Variants in TECR observed in about 807,000 individuals in gnomAD.
TECR encodes trans-2,3-enoyl-CoA reductase.
TECR carries 19 observed loss-of-function variants against 50.6 expected under a neutral mutation model. That is an observed-to-expected ratio of 0.38 (90% confidence interval 0.26 to 0.55). The LOEUF is 0.55. Among genes scored for constraint, TECR ranks in the 20% least tolerant of loss-of-function variants. The pLI, the probability that TECR is intolerant of heterozygous loss-of-function variation, is 0.79. For synonymous variants in TECR, 168 were observed against 163.5 expected, an observed-to-expected ratio of 1.03 and a Z score of -0.21; for missense variants, 313 against 408.3, an observed-to-expected ratio of 0.77 and a Z score of 2.01.
At chr19:14,534,936 G>T (rs1034732179) in intron 1 of TECR, among the ~76,000 whole-genome samples, 1 of 152,176 alleles carries the variant, frequency 6.6e-6, no homozygotes, top group Non-Finnish European at 1.5e-5. Context: ...AGGACAGCTG[G>T]TGGCTCTCCT....
At chr19:14,529,800 C>T (rs2072548590) in intron 1 of TECR, 89 bp downstream of exon 1, 3 of 1,587,422 alleles carry the variant, frequency 1.9e-6, no homozygotes, top group African/African-American at 1.3e-5. Context: ...CTTTCTGGTC[C>T]TGTGCCCCGA....
At chr19:14,560,580 C>T (rs2073874188) in intron 1 of TECR, among the ~76,000 whole-genome samples, 1 of 152,218 alleles carries the variant, frequency 6.6e-6, no homozygotes, top group Admixed American at 6.5e-5. Context: ...TTTCTGGCCC[C>T]TCCATGTGCC....
At chr19:14,540,353 C>T (rs1210553360) in intron 1 of TECR, among the ~76,000 whole-genome samples, 4 of 152,124 alleles carry the variant, frequency 2.6e-5, no homozygotes, top group Admixed American at 2.6e-4. Context: ...CAGGCGTGAG[C>T]CACTGTGCCT....
chr19:14,528,230 G>A (rs2072474575), upstream of TECR, among the ~76,000 whole-genome samples: 1 of 149,678 alleles, frequency 6.7e-6, no homozygotes, highest in African/African-American at 2.5e-5. Flanking sequence ...ATTTGGACCA[G>A]TCCCATTTCT....
At chr19:14,562,158 T>G (rs1599495265) in intron 1 of TECR, 3 of 565,752 alleles carry the variant, frequency 5.3e-6, no homozygotes, top group Non-Finnish European at 9.4e-6. Context: ...CAGTCTGGGG[T>G]GGTTTTATAT....
intron 1 of TECR, among the ~76,000 whole-genome samples, chr19:14,561,752 C>G (rs2073909527): frequency 6.6e-6 from 1 of 152,216 alleles, no homozygotes; most frequent in African/African-American, 2.4e-5. Flanking sequence ...GCTCTCTGCA[C>G]CCATAACTCC....
At chr19:14,532,573 G>T (rs2072714957) in intron 1 of TECR, 1 of 151,004 alleles carries the variant, frequency 6.6e-6, no homozygotes. Context: ...TGACCTTGAA[G>T]GAAAAAATAA....
At chr19:14,529,577 G>A (rs761057001), upstream of TECR, 1 of 1,502,464 alleles carries the variant, frequency 6.7e-7, no homozygotes, top group African/African-American at 1.4e-5. Context: ...GGAGGGGCGG[G>A]GCGGACGCAG....
Position 14,529,658 on chromosome 19 carries a change from G to T in TECR, c.-39G>T. On this transcript the variant is annotated 5_prime_UTR_variant, in exon 1 of 13. Coordinates refer to ENST00000215567, the MANE Select transcript of TECR (RefSeq NM_138501.6). ...CTGTGCTGTGCCGCGCAGTTAGGCA[G>T]CAGCAGCCGCGGAGCAGTAGCCGCC... is the stretch of plus-strand genomic sequence containing the variant. The T allele has an allele frequency of 1.2e-6, 2 of 1,613,858 alleles. No individual in the cohort carries two copies.
intron 1 of TECR, among the ~76,000 whole-genome samples, chr19:14,555,667 C>G (rs2073696003): frequency 6.6e-6 from 1 of 152,032 alleles, no homozygotes; most frequent in African/African-American, 2.4e-5. Flanking sequence ...TCTCGAACTC[C>G]TGACCTCAGG....
At chr19:14,545,234 C>T in intron 1 of TECR, 1 of 456,498 alleles carries the variant, frequency 2.2e-6, no homozygotes, top group Non-Finnish European at 4.4e-6. Context: ...CTTAGCTGCT[C>T]CCCCTAAAAT....
chr19:14,565,316 G>T, intron 11 of TECR, 26 bp downstream of exon 11: 2 of 1,611,502 alleles, frequency 1.2e-6, no homozygotes, highest in Non-Finnish European at 1.7e-6. Flanking sequence ...ACCCCTCTCT[G>T]CCCTGGGACT....
chr19:14,534,695 C>A (rs2072801741), intron 1 of TECR, among the ~76,000 whole-genome samples: 1 of 152,124 alleles, frequency 6.6e-6, no homozygotes, highest in Non-Finnish European at 1.5e-5. Context: ...CCTTGGCATC[C>A]CAAAGTGCTG....
chr19:14,539,245 C>T (rs536229824), intron 1 of TECR, among the ~76,000 whole-genome samples: 2 of 150,078 alleles, frequency 1.3e-5, no homozygotes, highest in South Asian at 2.1e-4. Context: ...CCACCTGCCT[C>T]GGCCTCCCAA....
chr19:14,534,623 A>G (rs1175063334), intron 1 of TECR, among the ~76,000 whole-genome samples: 1 of 151,662 alleles, frequency 6.6e-6, no homozygotes, highest in East Asian at 1.9e-4. Flanking sequence ...TTTAGTAGAG[A>G]TGGGGTTTCA....
rs192317699 is a variant in TECR at position 14,556,616 on chromosome 19, G to A, written c.16-5909G>A. ...GCCATATCCCAGGAACTGGAACAGTGCCTGGGGTATGGGAAGGAGGGAGTC... is the reference window on the plus strand; with the variant it reads ...GCCATATCCCAGGAACTGGAACAGTACCTGGGGTATGGGAAGGAGGGAGTC... On this transcript the variant is annotated intron_variant, in intron 1 of 12. Coordinates refer to ENST00000215567, the MANE Select transcript of TECR (RefSeq NM_138501.6). Among the ~76,000 whole-genome samples the A allele has an allele frequency of 9.9e-5, 15 of 152,218 alleles. No individual in the cohort carries two copies. The East Asian group carries it at 2.9e-3, about 29-fold the overall frequency.
chr19:14,544,912 CAA>C (rs1209444422), intron 1 of TECR, among the ~76,000 whole-genome samples: 2 of 152,232 alleles, frequency 1.3e-5, no homozygotes, highest in African/African-American at 2.4e-5. Flanking sequence ...GGATTACAGA[CAA>C]GAGCCACCAT....
intron 1 of TECR, among the ~76,000 whole-genome samples, chr19:14,556,945 G>T (rs1201971635): frequency 6.6e-6 from 1 of 152,078 alleles, no homozygotes; most frequent in African/African-American, 2.4e-5. Context: ...TGGGTTCACT[G>T]TGACCAGCTG....
At chr19:14,531,815 T>G (rs910434968) in intron 1 of TECR, 1 of 152,120 alleles carries the variant, frequency 6.6e-6, no homozygotes, top group Non-Finnish European at 1.5e-5. Context: ...ATTTAAGTTT[T>G]CATTCTAGAA....
Sources: allele counts gnomAD v4.1 joint callset (sites outside exome capture counted in the v4.1 genomes callset), GRCh38; gene constraint gnomAD v4.1.1; transcripts MANE v1.5; gene names NCBI Gene and HGNC (gene_info 2026-07-23, HGNC 2026-07-21).